Variants in FGFR1OP2 observed in about 807,000 individuals in gnomAD.
FGFR1OP2 encodes FGFR1 oncogene partner 2, also known as fibroblast growth factor receptor 1 oncogene partner 2.
In FGFR1OP2, 17 loss-of-function variants were observed where a neutral mutation model predicts 35.2. That is an observed-to-expected ratio of 0.48 (90% CI 0.33 to 0.73). FGFR1OP2 has a LOEUF of 0.73. Ranked by LOEUF, FGFR1OP2 falls within the 30% of genes least tolerant of loss-of-function variation. The pLI, the probability that FGFR1OP2 is intolerant of heterozygous loss-of-function variation, is 0.02. For synonymous variants in FGFR1OP2, 105 were observed against 104.6 expected (o/e 1.00, Z -0.03); for missense variants, 251 against 307.3 (o/e 0.82, Z 1.37).
Position 26,939,938 on chromosome 12 carries a change from G to A in FGFR1OP2, c.-15+1228G>A, listed in dbSNP as rs57151752. Among the ~76,000 whole-genome samples, 873 of 152,234 alleles carry A rather than the reference G, an allele frequency of 5.7e-3. 3 individuals carry two copies. Among genetic ancestry groups the A allele is most frequent in the African/African-American group, 0.02 (812 of 41,522 alleles). On this transcript the variant is annotated intron_variant, in intron 1 of 6. Transcript: ENST00000229395. ...CTCTGTACATTAGCTTAAAGGTCCC[G>A]ACCTATTTTGATTATGAGAAACCCT...
intron 6 of FGFR1OP2, 68 bp downstream of exon 6, chr12:26,963,523 C>A (rs1939133497): frequency 1.0e-6 from 1 of 997,076 alleles, no homozygotes; most frequent in South Asian, 1.6e-5. Flanking sequence ...AAATATATCC[C>A]ATTTTTAAAT....
chr12:26,953,085 A>AC (rs1270215095), intron 1 of FGFR1OP2, among the ~76,000 whole-genome samples: 1 of 151,696 alleles, frequency 6.6e-6, no homozygotes, highest in African/African-American at 2.4e-5. Context: ...ACACAGTGAA[A>AC]CCCCCGACTC....
Position 26,966,554 on chromosome 12 carries a change from T to G in FGFR1OP2, c.*1821T>G, listed in dbSNP as rs1188373009. The G allele has an allele frequency of 5.3e-5, 8 of 151,802 alleles. 1 individual carries two copies. The highest frequency in any genetic ancestry group is 1.9e-4 in the African/African-American group (8 of 41,368). 9.4% of individuals were successfully genotyped at this position (151,802 alleles called of 1,614,324 possible). A position where few individuals can be genotyped will look rare whatever the true frequency, so the allele number is the denominator to read the frequency against. ...CATTTCCATCCTATTTTTTTTTTTT[T>G]TTTGGTTGTTGTTAAACAGAACCTT... On this transcript the variant is annotated 3_prime_UTR_variant, in exon 7 of 7. Transcript: ENST00000229395.
At chr12:26,950,214 T>G (rs2450851) in intron 1 of FGFR1OP2, among the ~76,000 whole-genome samples, 6 of 43,138 alleles carry the variant, frequency 1.4e-4, no homozygotes, top group Non-Finnish European at 1.7e-4. Context: ...GTATTCGTTG[T>G]TTTTTTTTTT....
intron 1 of FGFR1OP2, among the ~76,000 whole-genome samples, chr12:26,943,960 G>A (rs921314503): frequency 3.3e-5 from 5 of 152,080 alleles, no homozygotes; most frequent in Middle Eastern, 3.4e-3. Flanking sequence ...AACAAATTTT[G>A]CATATGTTTT....
intron 4 of FGFR1OP2, among the ~76,000 whole-genome samples, chr12:26,959,841 A>G (rs757157308): frequency 6.6e-6 from 1 of 152,172 alleles, no homozygotes; most frequent in Non-Finnish European, 1.5e-5. Context: ...TGGGTTAGTT[A>G]TGGGAAATAA....
chr12:26,944,383 C>T (rs895492919), intron 1 of FGFR1OP2, among the ~76,000 whole-genome samples: 2 of 152,114 alleles, frequency 1.3e-5, no homozygotes, highest in Admixed American at 6.5e-5. Context: ...TGAAGTATGA[C>T]GTTTGCTGTA....
intron 1 of FGFR1OP2, among the ~76,000 whole-genome samples, chr12:26,945,324 A>G (rs1303198504): frequency 6.6e-6 from 1 of 152,158 alleles, no homozygotes; most frequent in East Asian, 1.9e-4. Context: ...AGATCTTTCT[A>G]ATTTTCTAAT....
chr12:26,957,360 C>T (rs1195573690), intron 3 of FGFR1OP2, among the ~76,000 whole-genome samples: 2 of 152,142 alleles, frequency 1.3e-5, no homozygotes, highest in East Asian at 1.9e-4. Flanking sequence ...TAGAGGGAGC[C>T]TTGGCCGATA....
intron 5 of FGFR1OP2, chr12:26,962,913 A>T (rs1939123594): frequency 6.5e-6 from 1 of 152,866 alleles, no homozygotes; most frequent in Non-Finnish European, 1.5e-5. Context: ...GATTGGATTG[A>T]GATAACTTTA....
rs375472686 is a variant in FGFR1OP2 at position 26,964,673 on chromosome 12, G to A, written c.702G>A (p.Ser234=). The change falls in exon 7 of 7, where the codon TCG becomes TCA. Residue 234 remains serine (S), a synonymous_variant. Coordinates refer to ENST00000229395, the MANE Select transcript of FGFR1OP2 (RefSeq NM_015633.3). ...SFLNLRKDDA[S]ESTSLSALVT... Reference sequence around the variant, plus strand: ...TGAACCTAAGGAAAGATGATGCGTCGGAAAGTACTTCTTTGTCAGCATTAG... The same window carrying A: ...TGAACCTAAGGAAAGATGATGCGTCAGAAAGTACTTCTTTGTCAGCATTAG... 3.3e-5 allele frequency: 54 copies of A among 1,612,200 alleles called. 1 individual carries two copies. The highest frequency in any genetic ancestry group is 1.8e-4 in the Admixed American group (11 of 59,972).
chr12:26,962,759 A>T (rs1565852313), intron 5 of FGFR1OP2: 1 of 152,224 alleles, frequency 6.6e-6, no homozygotes, highest in Non-Finnish European at 1.5e-5. Context: ...GTTAGCAAAG[A>T]AGGCCATTTA....
chr12:26,947,282 G>A (rs1309571382), intron 1 of FGFR1OP2, among the ~76,000 whole-genome samples: 1 of 152,168 alleles, frequency 6.6e-6, no homozygotes, highest in Non-Finnish European at 1.5e-5. Context: ...AGCCATCCTA[G>A]TAGGTATATC....
intron 2 of FGFR1OP2, 120 bp downstream of exon 2, chr12:26,954,413 C>T: frequency 1.7e-6 from 2 of 1,205,444 alleles, no homozygotes. Flanking sequence ...AGTAGCTTGA[C>T]TTGTGTGTTT....
rs1394592088 is a variant in FGFR1OP2 at position 26,950,456 on chromosome 12, G to C, written c.-14-3689G>C. Among the ~76,000 whole-genome samples, 6 of 151,858 alleles carry C rather than the reference G, an allele frequency of 4.0e-5. No homozygotes were observed. In the East Asian group the frequency reaches 9.7e-4, roughly 24 times the overall value. On this transcript the variant is annotated intron_variant, in intron 1 of 6. Coordinates refer to ENST00000229395, the MANE Select transcript of FGFR1OP2 (RefSeq NM_015633.3). ...TTAGCCAGGATGGTCTCGATCTCCT[G>C]ACCTCGTGATCCACCCGCCTCGGCC...
chr12:26,951,059 C>T (rs1054633515), intron 1 of FGFR1OP2, among the ~76,000 whole-genome samples: 1 of 152,146 alleles, frequency 6.6e-6, no homozygotes, highest in South Asian at 2.1e-4. Flanking sequence ...CTAGAATAAC[C>T]TCTGAAGATG....
At chr12:26,958,620 C>G (rs1939058740) in intron 4 of FGFR1OP2, among the ~76,000 whole-genome samples, 3 of 152,108 alleles carry the variant, frequency 2.0e-5, no homozygotes, top group Admixed American at 2.0e-4. Flanking sequence ...GTATTGTATA[C>G]CAGTTGACAT....
At chr12:26,960,876 G>A (rs1050269269) in intron 5 of FGFR1OP2, 6 of 308,752 alleles carry the variant, frequency 1.9e-5, no homozygotes, top group African/African-American at 8.6e-5. Context: ...TCAGTCCAAC[G>A]CTTTATTTAT....
Position 26,938,538 on chromosome 12 carries a change from G to C in FGFR1OP2, c.-187G>C, listed in dbSNP as rs1317266429. 6.6e-6 allele frequency: 1 copy of C among 152,260 alleles called. No homozygotes were observed. The highest frequency in any genetic ancestry group is 1.5e-5 in the Non-Finnish European group (1 of 68,062). 9.4% of individuals were successfully genotyped at this position (152,260 alleles called of 1,614,324 possible). A position where few individuals can be genotyped will look rare whatever the true frequency, so the allele number is the denominator to read the frequency against. On this transcript the variant is annotated 5_prime_UTR_variant, in exon 1 of 7. Coordinates refer to ENST00000229395, the MANE Select transcript of FGFR1OP2 (RefSeq NM_015633.3). ...TACCCCGCCGGTGATGGCGTTGAAC[G>C]CCACTGGCTTCCCGGCCTTCCGTCC...
Sources: gnomAD v4.1 joint callset for allele counts (sites outside exome capture counted in the v4.1 genomes callset) on GRCh38, gnomAD v4.1.1 for gene constraint, MANE v1.5 for transcripts, NCBI Gene and HGNC (gene_info 2026-07-23, HGNC 2026-07-21) for gene names.